The following ERBIN variants were observed in gnomAD, a reference collection of about 807,000 sequenced individuals.
ERBIN encodes the protein erbb2 interacting protein, also known as densin-180-like protein.
A neutral mutation model predicts 158.4 loss-of-function variants in ERBIN; 60 were observed. The observed-to-expected ratio is 0.38, with a 90% CI of 0.31 to 0.47. The LOEUF (loss-of-function observed/expected upper bound fraction) is 0.47, where lower values mean the gene tolerates loss of function less well. Among genes scored for constraint, ERBIN ranks in the 20% least tolerant of loss-of-function variants. The pLI, the probability that ERBIN is intolerant of heterozygous loss-of-function variation, is 0.99. For missense variants in ERBIN, 1,610 were observed against 1,648.0 expected (o/e 0.98, Z 0.40); for synonymous variants, 594 against 557.2 (o/e 1.07, Z -0.93).
intron 1 of ERBIN, among the ~76,000 whole-genome samples, chr5:65,933,225 C>T (rs1743660557): frequency 6.6e-6 from 1 of 152,152 alleles, no homozygotes; most frequent in Admixed American, 6.5e-5. Flanking sequence ...TGGTGTATGT[C>T]ATGCTTTTTG....
intron 14 of ERBIN, among the ~76,000 whole-genome samples, chr5:66,030,810 A>G (rs1012511289): frequency 2.6e-5 from 4 of 152,036 alleles, no homozygotes; most frequent in African/African-American, 9.7e-5. Flanking sequence ...GACTCAAGCC[A>G]TCCCCCTGCT....
chr5:66,044,350 G>C, intron 17 of ERBIN, 40 bp downstream of exon 17: 1 of 1,538,022 alleles, frequency 6.5e-7, no homozygotes. Context: ...CCTATTTCAA[G>C]TTCTTATTTT....
chr5:66,068,189 TAAC>T (rs531327592), intron 21 of ERBIN, among the ~76,000 whole-genome samples: 23 of 151,452 alleles, frequency 1.5e-4, no homozygotes, highest in Non-Finnish European at 2.8e-4. Context: ...ATAATAATAA[TAAC>T]AACAACTAGC....
Position 66,020,255 on chromosome 5 carries a change from T to A in ERBIN, c.534-1067T>A, listed in dbSNP as rs566015585. On this transcript the variant is annotated intron_variant, in intron 7 of 25. Transcript: ENST00000284037. ...AATGACAGTTTCATTACAATGATGG[T>A]GTTTGTTTTTATATTTTTGACTAAA... is the stretch of plus-strand genomic sequence containing the variant. 1.6e-4 allele frequency among the ~76,000 whole-genome samples: 24 copies of A among 152,120 alleles called. No individual in the cohort carries two copies. In the South Asian group the frequency reaches 5.0e-3, roughly 32 times the overall value.
At chr5:66,051,588 T>G (rs1759024603) in intron 20 of ERBIN, among the ~76,000 whole-genome samples, 1 of 152,144 alleles carries the variant, frequency 6.6e-6, no homozygotes, top group Non-Finnish European at 1.5e-5. Flanking sequence ...CTAAACTCTG[T>G]TAGAAAGATG....
intron 22 of ERBIN, among the ~76,000 whole-genome samples, chr5:66,074,045 A>ATTTTT (rs397884229): frequency 1.5e-4 from 14 of 91,924 alleles, no homozygotes; most frequent in Non-Finnish European, 2.7e-4. Context: ...TGCCCAGCTA[A>ATTTTT]TTTTTTTTTT....
At chr5:65,963,782 T>G (rs1263631647) in intron 1 of ERBIN, among the ~76,000 whole-genome samples, 2 of 134,432 alleles carry the variant, frequency 1.5e-5, no homozygotes, top group Non-Finnish European at 3.2e-5. Context: ...ATGACTATTT[T>G]CTTTCTTTTC....
intron 10 of ERBIN, chr5:66,025,241 A>G (rs1398049832): frequency 4.3e-6 from 2 of 464,450 alleles, no homozygotes; most frequent in East Asian, 8.2e-5. Flanking sequence ...TACTATCAGT[A>G]TATTTTAGTG....
intron 1 of ERBIN, among the ~76,000 whole-genome samples, chr5:65,946,286 C>T (rs1025048525): frequency 2.6e-5 from 4 of 152,034 alleles, no homozygotes; most frequent in Middle Eastern, 3.2e-3. Flanking sequence ...ATTGCTTGAT[C>T]CCAGGAAGTC....
intron 20 of ERBIN, 139 bp from the exon 21 acceptor site, chr5:66,053,267 C>A: frequency 2.2e-6 from 1 of 456,008 alleles, no homozygotes; most frequent in Non-Finnish European, 3.8e-6. Flanking sequence ...AAATTACATG[C>A]TTGATAATAA....
At chr5:66,028,485 A>C in intron 14 of ERBIN, 142 bp downstream of exon 14, 1 of 473,574 alleles carries the variant, frequency 2.1e-6, no homozygotes. Context: ...AAAATCTCAA[A>C]ATATTTAGAA....
intron 21 of ERBIN, among the ~76,000 whole-genome samples, chr5:66,056,472 A>G (rs1313534253): frequency 1.3e-5 from 2 of 150,794 alleles, no homozygotes; most frequent in East Asian, 4.0e-4. Flanking sequence ...CCTGTCTGAC[A>G]GATATACCTG....
At chr5:66,073,080 G>C (rs1761673521) in intron 22 of ERBIN, among the ~76,000 whole-genome samples, 1 of 152,054 alleles carries the variant, frequency 6.6e-6, no homozygotes. Context: ...GTGGCTTAGG[G>C]TTACTGAGTT....
chr5:66,005,429 A>G (rs1753480061), intron 4 of ERBIN, among the ~76,000 whole-genome samples: 1 of 152,098 alleles, frequency 6.6e-6, no homozygotes, highest in African/African-American at 2.4e-5. Flanking sequence ...GTAAAGAGAA[A>G]AACTGTGCTA....
At chr5:65,977,781 G>C (rs1206350248) in intron 1 of ERBIN, among the ~76,000 whole-genome samples, 1 of 151,860 alleles carries the variant, frequency 6.6e-6, no homozygotes, top group Non-Finnish European at 1.5e-5. Flanking sequence ...CTGCAATCTC[G>C]GCACTTCGGG....
intron 21 of ERBIN, among the ~76,000 whole-genome samples, chr5:66,067,835 G>C (rs1409773457): frequency 6.6e-6 from 1 of 152,144 alleles, no homozygotes; most frequent in African/African-American, 2.4e-5. Context: ...AACTAGCCAG[G>C]CATGGTGGTG....
At chr5:65,982,373 G>A (rs930297080) in intron 1 of ERBIN, among the ~76,000 whole-genome samples, 1 of 152,190 alleles carries the variant, frequency 6.6e-6, no homozygotes, top group African/African-American at 2.4e-5. Context: ...ATCCTAGAAT[G>A]TCTTTATACA....
chr5:65,991,680 C>A (rs980291306), intron 2 of ERBIN, among the ~76,000 whole-genome samples: 5 of 152,038 alleles, frequency 3.3e-5, no homozygotes. Context: ...ATAATCTTAG[C>A]CTAGTTAGAA....
intron 1 of ERBIN, among the ~76,000 whole-genome samples, chr5:65,936,720 A>C (rs1744123943): frequency 6.6e-6 from 1 of 152,200 alleles, no homozygotes; most frequent in Non-Finnish European, 1.5e-5. Flanking sequence ...CAATTACCTT[A>C]ATCTGTTTTT....
Sources: allele counts gnomAD v4.1 joint callset (sites outside exome capture counted in the v4.1 genomes callset), GRCh38; gene constraint gnomAD v4.1.1; transcripts MANE v1.5; gene names NCBI Gene and HGNC (gene_info 2026-07-23, HGNC 2026-07-21).